The following TRPM3 variants were observed in gnomAD, a reference collection of about 807,000 sequenced individuals.
TRPM3 encodes long transient receptor potential channel 3.
TRPM3 carries 77 observed loss-of-function variants against 181.2 expected under a neutral mutation model. The ratio of observed to expected loss-of-function variants is 0.42; its 90% CI spans 0.35 to 0.51. The LOEUF (loss-of-function observed/expected upper bound fraction) is 0.51, where lower values mean the gene tolerates loss of function less well. Ranked by LOEUF, TRPM3 falls within the 20% of genes least tolerant of loss-of-function variation. The probability of loss-of-function intolerance (pLI) is 0.01; values close to 1 mark genes in which losing one functional copy is unlikely to be tolerated. For missense variants in TRPM3, 1,759 were observed against 2,196.7 expected, an observed-to-expected ratio of 0.80 and a Z score of 3.98; for synonymous variants, 745 against 796.4, an observed-to-expected ratio of 0.94 and a Z score of 1.09.
intron 1 of TRPM3, among the ~76,000 whole-genome samples, chr9:71,214,152 G>A (rs988408642): frequency 6.6e-6 from 1 of 152,020 alleles, no homozygotes; most frequent in African/African-American, 2.4e-5. Context: ...CAACTCATTT[G>A]ACATTAATAA....
chr9:71,381,261 A>G (rs2092793513), intron 1 of TRPM3, among the ~76,000 whole-genome samples: 1 of 152,158 alleles, frequency 6.6e-6, no homozygotes, highest in East Asian at 1.9e-4. Context: ...TAAAAGTACT[A>G]GTAACATTCA....
intron 25 of TRPM3, among the ~76,000 whole-genome samples, chr9:70,548,350 G>A: frequency 6.6e-6 from 1 of 152,324 alleles, no homozygotes; most frequent in Admixed American, 6.5e-5. Flanking sequence ...AGTATTGGCT[G>A]AGTACCGATG....
At chr9:70,863,277 T>C (rs1375855977) in intron 2 of TRPM3, among the ~76,000 whole-genome samples, 165 bp from the exon 3 acceptor site, 1 of 152,122 alleles carries the variant, frequency 6.6e-6, no homozygotes, top group Admixed American at 6.5e-5. Flanking sequence ...AACTCAGGCT[T>C]TCCATGATAT....
chr9:71,134,645 G>C (rs1284355063), intron 1 of TRPM3, among the ~76,000 whole-genome samples: 1 of 151,508 alleles, frequency 6.6e-6, no homozygotes, highest in Non-Finnish European at 1.5e-5. Context: ...TGTCACCTTA[G>C]TCTTACAAAT....
intron 1 of TRPM3, among the ~76,000 whole-genome samples, chr9:71,234,512 A>G (rs2081249823): frequency 6.6e-6 from 1 of 152,210 alleles, no homozygotes; most frequent in African/African-American, 2.4e-5. Flanking sequence ...TCTGGAGGCT[A>G]GAAGTGTAAA....
At chr9:71,325,274 T>C (rs11792896) in intron 1 of TRPM3, among the ~76,000 whole-genome samples, 14,375 of 152,128 alleles carry the variant, frequency 0.094, 883 homozygotes, top group East Asian at 0.21. Context: ...CGGACAAATA[T>C]CAACCAAAGT....
intron 1 of TRPM3, among the ~76,000 whole-genome samples, chr9:71,249,882 A>G (rs577218676): frequency 4.2e-4 from 64 of 152,328 alleles, no homozygotes; most frequent in African/African-American, 1.5e-3. Flanking sequence ...GAGAGATGCC[A>G]TCAAGTGGCT....
chr9:70,641,789 C>G (rs534368890), intron 9 of TRPM3, among the ~76,000 whole-genome samples: 11 of 152,234 alleles, frequency 7.2e-5, no homozygotes, highest in African/African-American at 2.6e-4. Flanking sequence ...ATAGAGGCAG[C>G]CTGCCAAGCA....
At chr9:70,609,287 A>T (rs778700288) in intron 19 of TRPM3, among the ~76,000 whole-genome samples, 101 of 152,374 alleles carry the variant, frequency 6.6e-4, no homozygotes, top group Middle Eastern at 3.4e-3. Context: ...AAGGTTAAAA[A>T]TAATATAGAG....
chr9:70,985,784 A>G (rs902088305), intron 1 of TRPM3, among the ~76,000 whole-genome samples: 3 of 152,202 alleles, frequency 2.0e-5, no homozygotes, highest in African/African-American at 7.2e-5. Flanking sequence ...TATTACAGGC[A>G]GAATATAATA....
intron 9 of TRPM3, among the ~76,000 whole-genome samples, chr9:70,663,309 G>A (rs1378393322): frequency 6.6e-6 from 1 of 152,078 alleles, no homozygotes; most frequent in Non-Finnish European, 1.5e-5. Context: ...CAGGTGACGG[G>A]TGCATTAAAA....
At chr9:71,053,630 T>C (rs904118365) in intron 1 of TRPM3, among the ~76,000 whole-genome samples, 4 of 152,102 alleles carry the variant, frequency 2.6e-5, no homozygotes, top group African/African-American at 9.7e-5. Context: ...GAGGTTTTCA[T>C]AAAATGTAAA....
chr9:70,694,542 G>A (rs1047396043), intron 8 of TRPM3, among the ~76,000 whole-genome samples: 3 of 152,066 alleles, frequency 2.0e-5, no homozygotes, highest in Non-Finnish European at 4.4e-5. Context: ...GCACAGTGGC[G>A]CGATCTCGGC....
chr9:70,909,984 T>C (rs945985921), intron 1 of TRPM3, among the ~76,000 whole-genome samples: 8 of 152,216 alleles, frequency 5.3e-5, no homozygotes, highest in African/African-American at 1.4e-4. Flanking sequence ...GAGTGTCATT[T>C]GATAAGACTA....
chr9:71,310,644 GTTATT>G (rs2087840472), intron 1 of TRPM3, among the ~76,000 whole-genome samples: 2 of 152,202 alleles, frequency 1.3e-5, no homozygotes, highest in African/African-American at 2.4e-5. Flanking sequence ...AACTAATCCA[GTTATT>G]TTATTATGTG....
chr9:70,819,848 G>A (rs971147431), intron 6 of TRPM3, among the ~76,000 whole-genome samples: 5 of 151,922 alleles, frequency 3.3e-5, no homozygotes, highest in East Asian at 1.9e-4. Context: ...GTTTCCATTC[G>A]GCCTAACCTA....
At chr9:70,559,172 A>G (rs2048451564) in intron 22 of TRPM3, among the ~76,000 whole-genome samples, 1 of 152,260 alleles carries the variant, frequency 6.6e-6, no homozygotes, top group Admixed American at 6.5e-5. Context: ...TTCACTAAAC[A>G]GCCTCTAGAA....
chr9:70,651,829 G>T (rs1040096634), intron 9 of TRPM3, among the ~76,000 whole-genome samples: 1 of 152,170 alleles, frequency 6.6e-6, no homozygotes, highest in Non-Finnish European at 1.5e-5. Context: ...GAGTTAGGTA[G>T]TCATGTCTAC....
Position 71,293,641 on chromosome 9 carries a change from C to T in TRPM3, c.183+153012G>A, listed in dbSNP as rs1247525682. 2.0e-5 allele frequency among the ~76,000 whole-genome samples: 3 copies of T among 151,534 alleles called. No individual in the cohort carries two copies. In the East Asian group the frequency reaches 5.8e-4, roughly 29 times the overall value. On this transcript the variant is annotated intron_variant, in intron 1 of 24. Coordinates refer to the TRPM3 transcript ENST00000357533. ...AGCTCAATATTGTAAAGGTATCAAT[C>T]TTCTCCCCCAAATTGATCTATACTT...
Sources: gnomAD v4.1 joint callset for allele counts (sites outside exome capture counted in the v4.1 genomes callset) on GRCh38, gnomAD v4.1.1 for gene constraint, MANE v1.5 for transcripts, NCBI Gene and HGNC (gene_info 2026-07-23, HGNC 2026-07-21) for gene names.